Variants in MAVS observed in about 807,000 individuals in gnomAD.
MAVS encodes mitochondrial antiviral signaling protein.
MAVS carries 20 observed loss-of-function variants against 30.2 expected under a neutral mutation model. That is an observed-to-expected ratio of 0.66 (90% CI 0.47 to 0.96). MAVS has a LOEUF of 0.96. Among genes scored for constraint, MAVS ranks in the 40% least tolerant of loss-of-function variants. The probability of loss-of-function intolerance (pLI) is 0.00; values close to 1 mark genes in which losing one functional copy is unlikely to be tolerated. For missense variants in MAVS, 624 were observed against 701.1 expected (o/e 0.89, Z 1.24); for synonymous variants, 278 against 293.9 (o/e 0.95, Z 0.55).
intron 1 of MAVS, among the ~76,000 whole-genome samples, chr20:3,850,743 G>A (rs757910784): frequency 6.0e-5 from 9 of 151,190 alleles, no homozygotes; most frequent in Non-Finnish European, 1.0e-4. Flanking sequence ...AAAATTAGCC[G>A]GGTGTGGTGG....
chr20:3,848,384 C>T (rs775033249), intron 1 of MAVS, among the ~76,000 whole-genome samples: 2 of 152,142 alleles, frequency 1.3e-5, no homozygotes, highest in Admixed American at 6.6e-5. Context: ...CAGGCGTGAG[C>T]CACCGCGCCC....
intron 3 of MAVS, among the ~76,000 whole-genome samples, chr20:3,859,346 A>C (rs2089842739): frequency 6.6e-6 from 1 of 151,908 alleles, no homozygotes; most frequent in Non-Finnish European, 1.5e-5. Flanking sequence ...TCTGTACCAA[A>C]AATACAAAAA....
At position 3,848,154 on chromosome 20, in the gene MAVS, C is replaced by CA. The variant is rs202182660; in HGVS notation, c.-68+1252dup. Among the ~76,000 whole-genome samples, 448 of 152,078 alleles carry CA rather than the reference C, an allele frequency of 2.9e-3. 1 individual carries two copies. The highest frequency in any genetic ancestry group is 0.01 in the African/African-American group (432 of 41,486). On this transcript the variant is annotated intron_variant, in intron 1 of 6. Coordinates refer to ENST00000428216, the MANE Select transcript of MAVS (RefSeq NM_020746.5). Reference sequence around the variant, plus strand: ...TCACTCTCTTGCCCAGGCTGGAGCGCAGTGGTCCAATCTTGGCTCACTGCA... The same window carrying CA: ...TCACTCTCTTGCCCAGGCTGGAGCGCAAGTGGTCCAATCTTGGCTCACTGCA...
At chr20:3,848,213 C>T (rs2089725144) in intron 1 of MAVS, among the ~76,000 whole-genome samples, 1 of 152,082 alleles carries the variant, frequency 6.6e-6, no homozygotes, top group South Asian at 2.1e-4. Context: ...ATTCTCCTGC[C>T]TCAGCCTCCT....
In MAVS at chr20:3,870,136, T is replaced by C. The variant is rs568401939; in HGVS notation, c.*3989T>C. The stretch of plus-strand genomic sequence containing the variant: ...GCAGGTCACCCTCACAGCCAGATAA[T>C]GTGGAGGTCAGAACCCAAGGAAGGG... On this transcript the variant is annotated 3_prime_UTR_variant, in exon 7 of 7. Coordinates refer to ENST00000428216, the MANE Select transcript of MAVS (RefSeq NM_020746.5). 4.6e-5 allele frequency: 7 copies of C among 152,400 alleles called. No individual in the cohort carries two copies. The East Asian group carries it at 7.6e-4, about 17-fold the overall frequency. The allele number at this position is 152,400 out of a possible 1,614,324, so 9.4% of individuals were successfully genotyped here. A position where few individuals can be genotyped will look rare whatever the true frequency, so the allele number is the denominator to read the frequency against.
In MAVS at chr20:3,865,090, C is replaced by T. The variant is rs974034907; in HGVS notation, c.1158+302C>T. ...TAGGGCTCGTAGTTCCTAGTGAAGC[C>T]GAGCGGTGCCGTTTTGCACATAAGG... is the stretch of plus-strand genomic sequence containing the variant. On this transcript the variant is annotated intron_variant, in intron 6 of 6. Transcript: ENST00000428216. The surrounding 1 kb of genome is among the most constrained non-coding windows in gnomAD (Gnocchi z 4.7). Among the ~76,000 whole-genome samples the T allele has an allele frequency of 8.5e-5, 13 of 152,202 alleles. No homozygotes were observed. Among genetic ancestry groups the T allele is most frequent in the Admixed American group, 6.5e-5 (1 of 15,288 alleles).
rs1568540419 is a variant in MAVS at position 3,869,342 on chromosome 20, T to G, written c.*3195T>G. 6.6e-6 allele frequency: 1 copy of G among 151,594 alleles called. No individual in the cohort carries two copies. Among genetic ancestry groups the G allele is most frequent in the Non-Finnish European group, 1.5e-5 (1 of 67,962 alleles). 9.4% of individuals were successfully genotyped at this position (151,594 alleles called of 1,614,324 possible). ...CGCCTGCCACCACGCCTGGCTAATT[T>G]TTTTGCACTTTTAGTAGAGACGGGG... On this transcript the variant is annotated 3_prime_UTR_variant, in exon 7 of 7. Coordinates refer to ENST00000428216, the MANE Select transcript of MAVS (RefSeq NM_020746.5).
intron 1 of MAVS, among the ~76,000 whole-genome samples, chr20:3,853,232 A>G (rs1362686617): frequency 1.3e-5 from 2 of 148,258 alleles, no homozygotes; most frequent in South Asian, 2.2e-4. Context: ...CACGCCTGTA[A>G]TCCCAGCACT....
Position 3,864,533 on chromosome 20 carries a change from C to A in MAVS, c.903C>A (p.Thr301=). ...ANSLPSKVPT[T]LMPVNTVALK... is the part of the protein sequence containing the mutation. ...CTCTGCCCTCCAAAGTGCCTACCAC[C>A]TTGATGCCTGTGAACACAGTGGCCC... Residue 301 remains threonine (T), a synonymous_variant, in exon 6 of 7, where the codon ACC becomes ACA. Transcript: ENST00000428216. The A allele has an allele frequency of 6.2e-7, 1 of 1,614,164 alleles. No homozygotes were observed. The highest frequency in any genetic ancestry group is 8.5e-7 in the Non-Finnish European group (1 of 1,180,046).
Position 3,854,773 on chromosome 20 carries a change from C to G in MAVS, c.117+32C>G, listed in dbSNP as rs758407620. The G allele has an allele frequency of 8.7e-6, 13 of 1,495,002 alleles. No individual in the cohort carries two copies. The East Asian group carries it at 2.9e-4, about 34-fold the overall frequency. The allele number at this position is 1,495,002 out of a possible 1,614,324, so 92.6% of individuals were successfully genotyped here. A position where few individuals can be genotyped will look rare whatever the true frequency, so the allele number is the denominator to read the frequency against. On this transcript the variant is annotated intron_variant, in intron 2 of 6. Transcript: ENST00000428216. ...AAGGGAAGTGACAGCCCGACACTGG[C>G]CTGGGGGCAGGGCTGTGGAATTCAA...
intron 1 of MAVS, among the ~76,000 whole-genome samples, chr20:3,849,311 G>A (rs2089737632): frequency 6.6e-6 from 1 of 151,648 alleles, no homozygotes; most frequent in Non-Finnish European, 1.5e-5. Context: ...CTGGGTTCAA[G>A]CGATTCTCCT....
chr20:3,857,904 C>G (rs758093357), intron 3 of MAVS, 95 bp downstream of exon 3: 1 of 1,354,104 alleles, frequency 7.4e-7, no homozygotes, highest in South Asian at 1.2e-5. Context: ...CTTTCTCTGT[C>G]ATCCTCTTTC....
In MAVS at chr20:3,865,752, GA is replaced by G. The variant is rs2089901695; in HGVS notation, c.1229del (p.Glu410GlyfsTer9). 1 of 1,613,498 alleles carries G rather than the reference GA, an allele frequency of 6.2e-7. No individual in the cohort carries two copies. The highest frequency in any genetic ancestry group is 1.3e-5 in the African/African-American group (1 of 74,930). On this transcript the variant is annotated frameshift_variant, in exon 7 of 7. Coordinates refer to ENST00000428216, the MANE Select transcript of MAVS (RefSeq NM_020746.5). LOFTEE classifies it low-confidence loss of function (END_TRUNC). The surrounding 1 kb of genome is among the most constrained non-coding windows in gnomAD (Gnocchi z 4.7). ...CTCAGCCTGGCTAGACAGCAGCTCT[GA>G]GAATAGGGGCCTTGGGTCGGAGCTG... is the stretch of plus-strand genomic sequence containing the variant. ...GSSAWLDSSS[E>X]NRGLGSELSK...
At chr20:3,855,069 T>G (rs1460587985) in intron 2 of MAVS, among the ~76,000 whole-genome samples, 1 of 152,066 alleles carries the variant, frequency 6.6e-6, no homozygotes, top group South Asian at 2.1e-4. Context: ...TTTTTTGTTT[T>G]TAATAGAGAC....
In MAVS at chr20:3,865,627, C is replaced by T; in HGVS notation, c.1159-56C>T. The T allele has an allele frequency of 1.3e-6, 2 of 1,483,196 alleles. No individual in the cohort carries two copies. Among genetic ancestry groups the T allele is most frequent in the Non-Finnish European group, 1.8e-6 (2 of 1,103,638 alleles). 91.9% of individuals were successfully genotyped at this position (1,483,196 alleles called of 1,614,324 possible). ...TGGCCTGGGAATGGGACCGCCCTACCAGGTTCGTCTCCCTGCCAACCCCAG... is the reference window on the plus strand; with the variant it reads ...TGGCCTGGGAATGGGACCGCCCTACTAGGTTCGTCTCCCTGCCAACCCCAG... On this transcript the variant is annotated intron_variant, in intron 6 of 6. Coordinates refer to ENST00000428216, the MANE Select transcript of MAVS (RefSeq NM_020746.5). The surrounding 1 kb of genome is among the most constrained non-coding windows in gnomAD (Gnocchi z 4.7).
chr20:3,848,355 T>C (rs1413513123), intron 1 of MAVS, among the ~76,000 whole-genome samples: 7 of 152,174 alleles, frequency 4.6e-5, no homozygotes, highest in Non-Finnish European at 1.0e-4. Context: ...TGCCTCGGCC[T>C]CCCAAAGTGC....
intron 3 of MAVS, chr20:3,858,035 G>A (rs2089828320): frequency 8.5e-6 from 5 of 584,924 alleles, no homozygotes; most frequent in Non-Finnish European, 1.5e-5. Flanking sequence ...TCTGTAAAAT[G>A]AAGCTCATGG....
At chr20:3,850,287 A>G (rs2089747557) in intron 1 of MAVS, among the ~76,000 whole-genome samples, 1 of 147,154 alleles carries the variant, frequency 6.8e-6, no homozygotes, top group Admixed American at 6.9e-5. Context: ...AAAAAAAAAA[A>G]AAAAAAAAAA....
chr20:3,852,626 C>T (rs2089771019), intron 1 of MAVS, among the ~76,000 whole-genome samples: 2 of 152,016 alleles, frequency 1.3e-5, no homozygotes, highest in Admixed American at 1.3e-4. Flanking sequence ...CTTCCCAGTG[C>T]TGACCAACCT....
Sources: allele counts gnomAD v4.1 joint callset (sites outside exome capture counted in the v4.1 genomes callset), GRCh38; gene constraint gnomAD v4.1.1; non-coding constraint Gnocchi (gnomAD v3.1); transcripts MANE v1.5; gene names NCBI Gene and HGNC (gene_info 2026-07-23, HGNC 2026-07-21).